Variants in MECOM observed in about 807,000 individuals in gnomAD.
The protein encoded by MECOM is MDS1 and EVI1 complex locus, also known as histone-lysine N-methyltransferase MECOM.
In MECOM, 13 loss-of-function variants were observed where a neutral mutation model predicts 116.3. The observed-to-expected ratio is 0.11, with a 90% CI of 0.07 to 0.18. The LOEUF is 0.18. Among genes scored for constraint, MECOM ranks in the 10% least tolerant of loss-of-function variants. MECOM has a pLI of 1.00. For missense variants in MECOM, 1,299 were observed against 1,509.0 expected, an observed-to-expected ratio of 0.86 and a Z score of 2.31; for synonymous variants, 528 against 535.2, an observed-to-expected ratio of 0.99 and a Z score of 0.19.
intron 2 of MECOM, among the ~76,000 whole-genome samples, chr3:169,333,862 TTCCTTCCTTCCTTCTC>T (rs1241333856): frequency 1.4e-5 from 2 of 144,854 alleles, no homozygotes; most frequent in East Asian, 4.6e-4. Flanking sequence ...CCTTCCTTCT[TTCCTTCCTTCCTTCTC>T]TCCTTCCTTC....
At chr3:169,147,000 T>C (rs1740125207) in intron 2 of MECOM, 1 of 993,874 alleles carries the variant, frequency 1.0e-6, no homozygotes. Flanking sequence ...AGTGTATTTT[T>C]AATACAAGAA....
At chr3:169,474,173 G>A (rs537558675) in intron 1 of MECOM, among the ~76,000 whole-genome samples, 3 of 152,162 alleles carry the variant, frequency 2.0e-5, no homozygotes, top group Non-Finnish European at 4.4e-5. Flanking sequence ...GGAAGGATCT[G>A]CATCAATAAT....
At chr3:169,643,533 A>C (rs1773764649) in intron 1 of MECOM, among the ~76,000 whole-genome samples, 1 of 152,206 alleles carries the variant, frequency 6.6e-6, no homozygotes, top group African/African-American at 2.4e-5. Flanking sequence ...GTGAATGAGC[A>C]CAAACCAATC....
At chr3:169,569,646 T>G (rs1763646965) in intron 1 of MECOM, among the ~76,000 whole-genome samples, 1 of 152,190 alleles carries the variant, frequency 6.6e-6, no homozygotes, top group South Asian at 2.1e-4. Context: ...CAGACCACAG[T>G]GCAATCAAAT....
chr3:169,103,812 T>C, intron 10 of MECOM, among the ~76,000 whole-genome samples: 1 of 152,198 alleles, frequency 6.6e-6, no homozygotes, highest in East Asian at 1.9e-4. Context: ...ACATGATCTC[T>C]TCTCACAAAA....
At chr3:169,472,375 C>A (rs1749409845) in intron 1 of MECOM, among the ~76,000 whole-genome samples, 2 of 141,382 alleles carry the variant, frequency 1.4e-5, no homozygotes, top group Non-Finnish European at 3.0e-5. Flanking sequence ...AGTGAGACCC[C>A]ATCTCTAAAA....
At chr3:169,100,761 A>G (rs145866729) in intron 12 of MECOM, 124 bp downstream of exon 12, 2 of 385,678 alleles carry the variant, frequency 5.2e-6, no homozygotes, top group East Asian at 7.1e-5. Flanking sequence ...GAATAGACAT[A>G]TATTCAGACA....
At chr3:169,658,800 G>A (rs1475018525) in intron 1 of MECOM, among the ~76,000 whole-genome samples, 4 of 152,138 alleles carry the variant, frequency 2.6e-5, no homozygotes, top group Non-Finnish European at 5.9e-5. Flanking sequence ...CGGTGACCAG[G>A]AGATGACAAG....
chr3:169,540,196 T>A (rs1172121210), intron 1 of MECOM, among the ~76,000 whole-genome samples: 1 of 152,200 alleles, frequency 6.6e-6, no homozygotes, highest in African/African-American at 2.4e-5. Context: ...AGATTAAATG[T>A]CTTTCTCCAA....
intron 2 of MECOM, among the ~76,000 whole-genome samples, chr3:169,289,491 G>C (rs1017770684): frequency 1.3e-5 from 2 of 152,132 alleles, no homozygotes; most frequent in African/African-American, 4.8e-5. Flanking sequence ...CATTTATATG[G>C]ATGAACCTCT....
chr3:169,181,786 TG>T (rs1295341617), intron 2 of MECOM, among the ~76,000 whole-genome samples: 3 of 152,120 alleles, frequency 2.0e-5, no homozygotes, highest in African/African-American at 7.2e-5. Context: ...AACTGTATAT[TG>T]AGGAAAAGCA....
At chr3:169,119,147 C>T (rs1480903818) in intron 7 of MECOM, among the ~76,000 whole-genome samples, 1 of 152,202 alleles carries the variant, frequency 6.6e-6, no homozygotes, top group East Asian at 1.9e-4. Context: ...ACTTTGGGCT[C>T]AAGCGTGGCA....
chr3:169,311,768 C>T (rs1007067067), intron 2 of MECOM, among the ~76,000 whole-genome samples: 5 of 151,942 alleles, frequency 3.3e-5, no homozygotes, highest in South Asian at 2.1e-4. Flanking sequence ...AGAGCAATAT[C>T]CTCTTAGAAA....
At chr3:169,120,989 C>T in intron 7 of MECOM, 67 bp downstream of exon 7, 1 of 1,520,556 alleles carries the variant, frequency 6.6e-7, no homozygotes, top group East Asian at 2.3e-5. Flanking sequence ...CAGCCACTCT[C>T]CTGGTCACAG....
intron 1 of MECOM, among the ~76,000 whole-genome samples, chr3:169,537,774 C>A (rs892505040): frequency 6.6e-6 from 1 of 150,548 alleles, no homozygotes; most frequent in Admixed American, 6.6e-5. Flanking sequence ...ATGCCTTTTT[C>A]TTTTACTTTA....
At chr3:169,114,903 G>T (rs1207480654) in intron 8 of MECOM, among the ~76,000 whole-genome samples, 1 of 152,130 alleles carries the variant, frequency 6.6e-6, no homozygotes, top group African/African-American at 2.4e-5. Context: ...GGGGGCTCCT[G>T]AGAGATTTAT....
chr3:169,614,414 G>C (rs917474844), intron 1 of MECOM, among the ~76,000 whole-genome samples: 2 of 151,976 alleles, frequency 1.3e-5, no homozygotes, highest in Admixed American at 6.6e-5. Context: ...CAATAAAAAT[G>C]ATATAAACAA....
chr3:169,317,504 T>G (rs1719969967), intron 2 of MECOM, among the ~76,000 whole-genome samples: 1 of 152,210 alleles, frequency 6.6e-6, no homozygotes, highest in South Asian at 2.1e-4. Flanking sequence ...AGCTCAGAGA[T>G]GTAAGGTCAT....
At chr3:169,417,271 A>G (rs1738820792) in intron 1 of MECOM, among the ~76,000 whole-genome samples, 1 of 149,528 alleles carries the variant, frequency 6.7e-6, no homozygotes, top group African/African-American at 2.4e-5. Flanking sequence ...GAAAAAAACA[A>G]ACAACCCCAT....
Sources: allele counts gnomAD v4.1 joint callset (sites outside exome capture counted in the v4.1 genomes callset), GRCh38; gene constraint gnomAD v4.1.1; transcripts MANE v1.5; gene names NCBI Gene and HGNC (gene_info 2026-07-23, HGNC 2026-07-21).